VCPIP1: variants seen among roughly 807,000 people sequenced by gnomAD.
VCPIP1 encodes the protein deubiquitinating protein VCPIP1.
In VCPIP1, 8 loss-of-function variants were observed where a neutral mutation model predicts 85.0. That is an observed-to-expected ratio of 0.09 (90% confidence interval 0.06 to 0.17). The LOEUF (loss-of-function observed/expected upper bound fraction) is 0.17, where lower values mean the gene tolerates loss of function less well. Among genes scored for constraint, VCPIP1 ranks in the 10% least tolerant of loss-of-function variants. The pLI is 1.00. For synonymous variants in VCPIP1, 543 were observed against 544.5 expected (o/e 1.00, Z 0.04); for missense variants, 1,070 against 1,486.3 (o/e 0.72, Z 4.61).
intron 2 of VCPIP1, among the ~76,000 whole-genome samples, chr8:66,646,186 C>T (rs1317809265): frequency 6.6e-6 from 1 of 151,798 alleles, no homozygotes. Context: ...GCTTCTCCTG[C>T]CTCAGCCTCC....
In VCPIP1 at chr8:66,666,917, TGGCGGCGGCAACGGA is replaced by T. The variant is rs1563573746; in HGVS notation, c.27_41del (p.Leu11_Pro15del). On this transcript the variant is annotated inframe_deletion, in exon 1 of 3. Coordinates refer to ENST00000310421, the MANE Select transcript of VCPIP1 (RefSeq NM_025054.5). The surrounding 1 kb of genome is among the most constrained non-coding windows in gnomAD (Gnocchi z 6.3). ...TCTGTGGAGCCTCAGGGGGAGGAGG[TGGCGGCGGCAACGGA>T]GGCGGCGGCGGCGGCGGCTGAGACA... The T allele has an allele frequency of 6.9e-6, 11 of 1,588,234 alleles. No homozygotes were observed. The highest frequency in any genetic ancestry group is 1.4e-5 in the African/African-American group (1 of 72,764).
chr8:66,649,670 A>G (rs1268031346), intron 2 of VCPIP1, among the ~76,000 whole-genome samples: 4 of 152,224 alleles, frequency 2.6e-5, no homozygotes. Context: ...AATCAAATCA[A>G]TGGTTGTCAG....
Position 66,658,250 on chromosome 8 carries a change from C to T in VCPIP1, c.2710+5999G>A, listed in dbSNP as rs1449315391. ...TCGGGAGGCTGAGGCAGGAGAATCG[C>T]TTGAAACTGGGAGGCAGAGGTTGCA... is the stretch of plus-strand genomic sequence containing the variant. On this transcript the variant is annotated intron_variant, in intron 1 of 2. Transcript: ENST00000310421. 8.7e-4 allele frequency among the ~76,000 whole-genome samples: 131 copies of T among 150,678 alleles called. 3 individuals carry two copies. Among genetic ancestry groups the T allele is most frequent in the Admixed American group, 1.3e-4 (2 of 15,080 alleles).
intron 2 of VCPIP1, among the ~76,000 whole-genome samples, chr8:66,649,715 C>A (rs1388782331): frequency 6.6e-6 from 1 of 152,092 alleles, no homozygotes; most frequent in East Asian, 1.9e-4. Flanking sequence ...TACAAAGAGG[C>A]ACAAGAAAAC....
chr8:66,651,970 C>G (rs187717639), intron 1 of VCPIP1, among the ~76,000 whole-genome samples: 1 of 151,088 alleles, frequency 6.6e-6, no homozygotes, highest in African/African-American at 2.4e-5. Context: ...TTCAGGAGTT[C>G]CGATACCAGC....
Position 66,665,872 on chromosome 8 carries a change from C to A in VCPIP1, c.1087G>T (p.Gly363Trp). Reference sequence around the variant, plus strand: ...ATAGGCAGTTTGGGCAAAGCAGCCCCTTTTATGCCTACCAAGGGGATATAA... The same window carrying A: ...ATAGGCAGTTTGGGCAAAGCAGCCCATTTTATGCCTACCAAGGGGATATAA... ...NHYIPLVGIK[G>W]AALPKLPMNL... The change falls in exon 1 of 3, where the codon GGG becomes TGG. Residue 363 changes from glycine (G) to tryptophan (W), a missense_variant. Physicochemically the swap from Gly to Trp is radical, Grantham distance 184 (BLOSUM62 -2). Transcript: ENST00000310421. This position sits in a 1 kb window ranked among gnomAD's most constrained non-coding sequence, Gnocchi z 4.3. 1 of 1,614,214 alleles carries A rather than the reference C, an allele frequency of 6.2e-7. No individual in the cohort carries two copies. The highest frequency in any genetic ancestry group is 8.5e-7 in the Non-Finnish European group (1 of 1,180,040).
In VCPIP1 at chr8:66,632,202, C is replaced by A. The variant is rs201056546; in HGVS notation, c.*2299G>T. 22 of 151,834 alleles carry A rather than the reference C, an allele frequency of 1.4e-4. No individual in the cohort carries two copies. The East Asian group carries it at 4.3e-3, about 29-fold the overall frequency. The allele number at this position is 151,834 out of a possible 1,614,324, so 9.4% of individuals were successfully genotyped here. ...TGGTTATGAAAACCATATGGAAAGACAAAGGATGATATTTAAAAACTTAAA... is the reference window on the plus strand; with the variant it reads ...TGGTTATGAAAACCATATGGAAAGAAAAAGGATGATATTTAAAAACTTAAA... On this transcript the variant is annotated 3_prime_UTR_variant, in exon 3 of 3. Transcript: ENST00000310421.
At chr8:66,652,115 CG>C (rs1337903165) in intron 1 of VCPIP1, among the ~76,000 whole-genome samples, 1 of 151,834 alleles carries the variant, frequency 6.6e-6, no homozygotes, top group African/African-American at 2.4e-5. Context: ...CCCTTGTGCA[CG>C]GGAGGTGAAG....
In VCPIP1 at chr8:66,665,069, A is replaced by T; in HGVS notation, c.1890T>A (p.Val630=). 6.2e-7 allele frequency: 1 copy of T among 1,614,074 alleles called. No homozygotes were observed. The stretch of plus-strand genomic sequence containing the variant: ...CAAATTCACCTGGAAAGTGCTTGGT[A>T]ACAAGTTTCATTGCAACATCGTAAA... ...SNVYDVAMKL[V]TKHFPGEFGS... Residue 630 remains valine (V), a synonymous_variant, in exon 1 of 3, where the codon GTT becomes GTA. Transcript: ENST00000310421. This position sits in a 1 kb window ranked among gnomAD's most constrained non-coding sequence, Gnocchi z 4.3.
Position 66,651,526 on chromosome 8 carries a change from T to C in VCPIP1, c.2729A>G (p.Tyr910Cys). The C allele has an allele frequency of 1.9e-6, 3 of 1,613,380 alleles. No individual in the cohort carries two copies. Among genetic ancestry groups the C allele is most frequent in the Non-Finnish European group, 2.5e-6 (3 of 1,179,844 alleles). The change falls in exon 2 of 3, where the codon TAT (tyrosine) becomes TGT (cysteine). Residue 910 changes from tyrosine (Y) to cysteine (C), a missense_variant. By Grantham distance (194) the Tyr-to-Cys change is radical. Around this residue, in one of 8 missense-constraint regions of VCPIP1, gnomAD observed 46 missense variants for 95.2 expected, o/e 0.48. Transcript: ENST00000310421. ...AAACATGTGAGGAAGTCCCTTTGCATAAGACCATACATCTTCTCCTGTAAG... is the reference window on the plus strand; with the variant it reads ...AAACATGTGAGGAAGTCCCTTTGCACAAGACCATACATCTTCTCCTGTAAG... ...ATLMGEDVWS[Y>C]AKGLPHMFQQ... is the part of the protein sequence containing the mutation.
At position 66,634,720 on chromosome 8, in the gene VCPIP1, A is replaced by T. The variant is rs780702628; in HGVS notation, c.3450T>A (p.Ser1150=). The T allele has an allele frequency of 6.2e-7, 1 of 1,614,246 alleles. No individual in the cohort carries two copies. The highest frequency in any genetic ancestry group is 1.7e-5 in the Admixed American group (1 of 60,032). The change falls in exon 3 of 3, where the codon TCT becomes TCA. Residue 1150 remains serine, a synonymous_variant. Transcript: ENST00000310421. ...KTEVVSSSAK[S]GSLQTGLPES... ...CAGGCAAACCAGTCTGAAGACTCCC[A>T]GACTTTGCAGAAGAACTCACAACTT...
In VCPIP1 at chr8:66,667,121, G is replaced by T; in HGVS notation, c.-163C>A. On this transcript the variant is annotated 5_prime_UTR_variant, in exon 1 of 3. Coordinates refer to ENST00000310421, the MANE Select transcript of VCPIP1 (RefSeq NM_025054.5). The stretch of plus-strand genomic sequence containing the variant: ...CTAAGCGAAGGCGGAAGCGCCGGAC[G>T]TTGTTTCTCTTCTTACTTCTCCACT... 7.2e-7 allele frequency: 1 copy of T among 1,386,330 alleles called. No homozygotes were observed. Among genetic ancestry groups the T allele is most frequent in the Non-Finnish European group, 9.4e-7 (1 of 1,067,512 alleles). The allele number at this position is 1,386,330 out of a possible 1,614,324, so 85.9% of individuals were successfully genotyped here. A position where few individuals can be genotyped will look rare whatever the true frequency, so the allele number is the denominator to read the frequency against.
intron 1 of VCPIP1, among the ~76,000 whole-genome samples, chr8:66,657,142 C>T (rs1350957297): frequency 6.6e-6 from 1 of 152,110 alleles, no homozygotes; most frequent in Non-Finnish European, 1.5e-5. Context: ...TGATCTCAGA[C>T]AATTTGTCCA....
At position 66,666,270 on chromosome 8, in the gene VCPIP1, C is replaced by T. The variant is rs760629190; in HGVS notation, c.689G>A (p.Gly230Asp). ...TAAGGCATGCCAGAAGAGCTCTCGG[C>T]CTACTAGAGCCCGAGACACAGCATG... ...LVHAVSRALV[G>D]RELFWHALRE... The change falls in exon 1 of 3, where the codon GGC becomes GAC. Residue 230 changes from glycine to aspartate, a missense_variant. By Grantham distance (94) the Gly-to-Asp change is moderately conservative. Transcript: ENST00000310421. This position sits in a 1 kb window ranked among gnomAD's most constrained non-coding sequence, Gnocchi z 6.3. The T allele has an allele frequency of 6.2e-7, 1 of 1,614,032 alleles. No individual in the cohort carries two copies. The highest frequency in any genetic ancestry group is 8.5e-7 in the Non-Finnish European group (1 of 1,180,010).
rs1187847410 is a variant in VCPIP1, at chr8:66,633,497, G to GTGTGA, written c.*999_*1003dup. 6.6e-6 allele frequency: 1 copy of GTGTGA among 151,882 alleles called. No homozygotes were observed. Among genetic ancestry groups the GTGTGA allele is most frequent in the African/African-American group, 2.4e-5 (1 of 41,274 alleles). 9.4% of individuals were successfully genotyped at this position (151,882 alleles called of 1,614,324 possible). ...CTAAGCAAATACCCAGCTGATCAGG[G>GTGTGA]TGTGATGCAGTAAAATTTGCATCTA... is the stretch of plus-strand genomic sequence containing the variant. On this transcript the variant is annotated 3_prime_UTR_variant, in exon 3 of 3. Transcript: ENST00000310421.
intron 2 of VCPIP1, among the ~76,000 whole-genome samples, chr8:66,648,526 AATCTATCTATCT>A (rs60409796): frequency 0.018 from 2,641 of 144,654 alleles, 29 homozygotes; most frequent in African/African-American, 0.025. Context: ...CTATGTATCT[AATCTATCTATCT>A]ATCTATCTAT....
chr8:66,665,851 G>A lies in VCPIP1; in HGVS notation c.1108C>T (p.Pro370Ser). ...GIKGAALPKL[P>S]MNLLPKAWGV... ...CATGCTTTAGGAAGCAAATTCATAGGCAGTTTGGGCAAAGCAGCCCCTTTT... is the reference window on the plus strand; with the variant it reads ...CATGCTTTAGGAAGCAAATTCATAGACAGTTTGGGCAAAGCAGCCCCTTTT... Residue 370 changes from proline to serine, a missense_variant, in exon 1 of 3, where the codon CCT (proline) becomes TCT (serine). Pro to Ser is a moderately conservative substitution (Grantham distance 74). Coordinates refer to ENST00000310421, the MANE Select transcript of VCPIP1 (RefSeq NM_025054.5). The surrounding 1 kb of genome is among the most constrained non-coding windows in gnomAD (Gnocchi z 4.3). 1 of 1,614,152 alleles carries A rather than the reference G, an allele frequency of 6.2e-7. No homozygotes were observed. Among genetic ancestry groups the A allele is most frequent in the Non-Finnish European group, 8.5e-7 (1 of 1,180,030 alleles).
At chr8:66,641,114 G>T (rs1318904431) in intron 2 of VCPIP1, among the ~76,000 whole-genome samples, 1 of 152,170 alleles carries the variant, frequency 6.6e-6, no homozygotes, top group East Asian at 1.9e-4. Flanking sequence ...ACTCATCCCG[G>T]CCCCTGTATC....
intron 2 of VCPIP1, among the ~76,000 whole-genome samples, chr8:66,647,274 G>C (rs1303958176): frequency 5.3e-5 from 8 of 151,962 alleles, no homozygotes; most frequent in Non-Finnish European, 1.0e-4. Context: ...CTGGGAGGCA[G>C]AGGTTGCAGT....
Sources: allele counts gnomAD v4.1 joint callset (sites outside exome capture counted in the v4.1 genomes callset), GRCh38; gene constraint gnomAD v4.1.1; regional missense constraint gnomAD v4.1.1; non-coding constraint Gnocchi (gnomAD v3.1); transcripts MANE v1.5; gene names NCBI Gene and HGNC (gene_info 2026-07-23, HGNC 2026-07-21).